The following COL1A2 variants were observed in gnomAD, a reference collection of about 807,000 sequenced individuals.
COL1A2 encodes collagen alpha-2(I) chain.
COL1A2 carries 49 observed loss-of-function variants against 174.3 expected under a neutral mutation model. The ratio of observed to expected loss-of-function variants is 0.28; its 90% CI spans 0.22 to 0.36. The LOEUF is 0.36. COL1A2 is among the 10% of genes least tolerant of loss of function. The pLI, the probability that COL1A2 is intolerant of heterozygous loss-of-function variation, is 1.00. For synonymous variants in COL1A2, 655 were observed against 606.6 expected, an observed-to-expected ratio of 1.08 and a Z score of -1.17; for missense variants, 1,438 against 1,822.7, an observed-to-expected ratio of 0.79 and a Z score of 3.84.
chr7:94,420,179 C>T lies in COL1A2; in HGVS notation c.2080-54C>T, dbSNP rs978774151. The T allele has an allele frequency of 2.5e-6, 4 of 1,610,176 alleles. No individual in the cohort carries two copies. In the East Asian group the frequency reaches 8.9e-5, roughly 36 times the overall value. ...CCACTGTTCTCTCTCCCTCCCAGTT[C>T]TTTGAGCATCTATGTCAGGCACATT... On this transcript the variant is annotated intron_variant, in intron 34 of 51. Transcript: ENST00000297268.
chr7:94,416,428 G>A lies in COL1A2; in HGVS notation c.1788G>A (p.Glu596=). The change falls in exon 31 of 52, where the codon GAG becomes GAA. Residue 596 remains glutamate, a synonymous_variant. Transcript: ENST00000297268. The part of the protein sequence containing the change: ...GPRGERGPPG[E]SGAAGPTGPI... The stretch of plus-strand genomic sequence containing the variant: ...AGGGGGAACGCGGTCCCCCAGGTGA[G>A]AGTGGTGCTGCCGGTCCTACTGGTC... The A allele has an allele frequency of 1.3e-6, 2 of 1,583,508 alleles. No homozygotes were observed. The highest frequency in any genetic ancestry group is 1.7e-6 in the Non-Finnish European group (2 of 1,164,002).
At chr7:94,411,890 G>C (rs1430616705) in intron 23 of COL1A2, among the ~76,000 whole-genome samples, 178 bp from the exon 24 acceptor site, 1 of 152,110 alleles carries the variant, frequency 6.6e-6, no homozygotes, top group Admixed American at 6.5e-5. Context: ...AAAAATAGAA[G>C]AAAAATTTCA....
chr7:94,420,203 T>C, intron 34 of COL1A2, 30 bp from the exon 35 acceptor site: 1 of 1,612,678 alleles, frequency 6.2e-7, no homozygotes, highest in Non-Finnish European at 8.5e-7. Flanking sequence ...GTCAGGCACA[T>C]TAACAGATTC....
chr7:94,420,988 C>T (rs1030820057), intron 37 of COL1A2, 21 bp from the exon 38 acceptor site: 3 of 1,613,182 alleles, frequency 1.9e-6, no homozygotes, highest in East Asian at 2.2e-5. Context: ...GATTTGACTC[C>T]ATCTTTTTGT....
At position 94,404,725 on chromosome 7, in the gene COL1A2, G is replaced by A; in HGVS notation, c.357G>A (p.Glu119=). The A allele has an allele frequency of 1.2e-6, 2 of 1,614,104 alleles. No homozygotes were observed. Among genetic ancestry groups the A allele is most frequent in the Non-Finnish European group, 1.7e-6 (2 of 1,180,014 alleles). Residue 119 remains glutamate, a synonymous_variant, in exon 8 of 52, where the codon GAG becomes GAA. Coordinates refer to ENST00000297268, the MANE Select transcript of COL1A2 (RefSeq NM_000089.4). ...GPQGFQGPAG[E]PGEPGQTGPA... ...AAGGTTTCCAAGGACCTGCTGGTGA[G>A]CCTGGTGAACCTGGTCAAACTGTGA...
At chr7:94,397,704 G>A (rs1193618728) in intron 1 of COL1A2, 44 bp from the exon 2 acceptor site, 1 of 1,089,556 alleles carries the variant, frequency 9.2e-7, no homozygotes, top group Admixed American at 1.8e-5. Context: ...TCCATGAAGT[G>A]ATACTAATAA....
At chr7:94,423,185 T>G in intron 40 of COL1A2, 67 bp downstream of exon 40, 8 of 1,569,830 alleles carry the variant, frequency 5.1e-6, no homozygotes, top group Non-Finnish European at 6.1e-6. Context: ...CCTACACAAA[T>G]CTTCAAGTGG....
rs1252761580 is a variant in COL1A2 at position 94,409,752 on chromosome 7, C to T, written c.966C>T (p.Gly322=). The T allele has an allele frequency of 4.3e-6, 7 of 1,614,126 alleles. No homozygotes were observed. In the South Asian group the frequency reaches 7.7e-5, roughly 18 times the overall value. ...AGLPGVAGAP[G]LPGPRGIPGP... ...TTCCCGGCGTTGCTGGGGCTCCCGG[C>T]CTCCCTGGACCCCGCGGTATTCCTG... Residue 322 remains glycine, a synonymous_variant, in exon 19 of 52, where the codon GGC becomes GGT. Coordinates refer to ENST00000297268, the MANE Select transcript of COL1A2 (RefSeq NM_000089.4).
Position 94,410,245 on chromosome 7 carries a change from G to A in COL1A2, c.1039G>A (p.Glu347Lys). The A allele has an allele frequency of 6.2e-7, 1 of 1,613,804 alleles. No individual in the cohort carries two copies. Among genetic ancestry groups the A allele is most frequent in the Non-Finnish European group, 8.5e-7 (1 of 1,180,018 alleles). ...GATGARGLVG[E>K]PGPAGSKGES... ...ACTGTTCTGTATTGAACCCTAGGGT[G>A]AGCCTGGTCCAGCTGGCTCCAAAGG... The change falls in exon 20 of 52, where the codon GAG becomes AAG. Residue 347 changes from glutamate (E) to lysine (K), a missense_variant. Coordinates refer to ENST00000297268, the MANE Select transcript of COL1A2 (RefSeq NM_000089.4).
chr7:94,410,187 AAG>A, intron 19 of COL1A2, 53 bp from the exon 20 acceptor site: 1 of 1,568,520 alleles, frequency 6.4e-7, no homozygotes, highest in Non-Finnish European at 8.8e-7. Flanking sequence ...ATTTGTCTGC[AAG>A]AGAGTTTCAA....
At position 94,413,742 on chromosome 7, in the gene COL1A2, A is replaced by C; in HGVS notation, c.1610A>C (p.Gln537Pro). Residue 537 changes from glutamine to proline, a missense_variant and splice_region_variant, in exon 27 of 52, where the codon CAG becomes CCG. By Grantham distance (76) the Gln-to-Pro change is moderately conservative. This residue lies in a region of COL1A2 where 867 missense variants were observed against 1,213.7 expected (regional missense o/e 0.71). Coordinates refer to ENST00000297268, the MANE Select transcript of COL1A2 (RefSeq NM_000089.4). ...NNGAQGPPGP[Q>P]GVQGGKGEQG... ...GGTGCTCAGGGACCTCCTGGACCACAGGTGAGTATTTCTCCCACTCTTGTG... is the reference window on the plus strand; with the variant it reads ...GGTGCTCAGGGACCTCCTGGACCACCGGTGAGTATTTCTCCCACTCTTGTG... 6.2e-7 allele frequency: 1 copy of C among 1,614,202 alleles called. No homozygotes were observed. Among genetic ancestry groups the C allele is most frequent in the African/African-American group, 1.3e-5 (1 of 75,056 alleles).
chr7:94,406,167 T>C (rs1021053883), intron 11 of COL1A2, 83 bp from the exon 12 acceptor site: 2 of 1,418,552 alleles, frequency 1.4e-6, no homozygotes, highest in African/African-American at 2.8e-5. Context: ...CAAGAGAGAT[T>C]AATGGCAAAG....
chr7:94,430,219 G>T (rs1476033989), intron 51 of COL1A2, 28 bp from the exon 52 acceptor site: 9 of 1,604,096 alleles, frequency 5.6e-6, no homozygotes, highest in Non-Finnish European at 7.7e-6. Context: ...GTGATGCTTT[G>T]TGTATCTATT....
In COL1A2 at chr7:94,404,766, T is replaced by A; in HGVS notation, c.378+20T>A. 6.2e-7 allele frequency: 1 copy of A among 1,614,188 alleles called. No homozygotes were observed. On this transcript the variant is annotated intron_variant, in intron 8 of 51. Transcript: ENST00000297268. ...CAAACTGTGAGTACATTTTTCCACCTTTGTGATAAGTTTTTTTCCAGGAAG... is the reference window on the plus strand; with the variant it reads ...CAAACTGTGAGTACATTTTTCCACCATTGTGATAAGTTTTTTTCCAGGAAG...
rs1792043043 is a variant in COL1A2 at position 94,416,435 on chromosome 7, G to A, written c.1795G>A (p.Ala599Thr). Residue 599 changes from alanine to threonine, a missense_variant, in exon 31 of 52, where the codon GCT becomes ACT. Ala to Thr is a moderately conservative substitution (Grantham distance 58). Around this residue, in one of 3 missense-constraint regions of COL1A2, gnomAD observed 867 missense variants for 1,213.7 expected, o/e 0.71. Coordinates refer to ENST00000297268, the MANE Select transcript of COL1A2 (RefSeq NM_000089.4). ...ACGCGGTCCCCCAGGTGAGAGTGGTGCTGCCGGTCCTACTGGTCCTATTGG... is the reference window on the plus strand; with the variant it reads ...ACGCGGTCCCCCAGGTGAGAGTGGTACTGCCGGTCCTACTGGTCCTATTGG... ...GERGPPGESG[A>T]AGPTGPIGSR... The A allele has an allele frequency of 1.9e-6, 3 of 1,585,652 alleles. No homozygotes were observed. The South Asian group carries it at 3.5e-5, about 18-fold the overall frequency.
intron 33 of COL1A2, among the ~76,000 whole-genome samples, chr7:94,419,007 T>C (rs1294564726): frequency 6.7e-6 from 1 of 150,064 alleles, no homozygotes; most frequent in African/African-American, 2.5e-5. Context: ...GTTAATGCCA[T>C]GAAGATGCCA....
rs779198513 is a variant in COL1A2, at chr7:94,414,285, A to T, written c.1719+10A>T. The T allele has an allele frequency of 1.9e-6, 3 of 1,613,612 alleles. No individual in the cohort carries two copies. In the East Asian group the frequency reaches 6.7e-5, roughly 36 times the overall value. ...CAAACCAGGAGAAAGGGTGAGTAAA[A>T]CAAGTAATAGTAAGTAGTAACTACT... On this transcript the variant is annotated intron_variant, in intron 29 of 51. Coordinates refer to ENST00000297268, the MANE Select transcript of COL1A2 (RefSeq NM_000089.4).
rs373778124 is a variant in COL1A2 at position 94,429,476 on chromosome 7, A to AG, written c.3954+51dup. ...GGAATAGCTTTGGGAAGTGGGATGG[A>AG]GGGGGTTCTAACTTAGACTGCCCCC... On this transcript the variant is annotated intron_variant, in intron 51 of 51. Transcript: ENST00000297268. The AG allele has an allele frequency of 5.5e-5, 88 of 1,609,434 alleles. No individual in the cohort carries two copies. In the Admixed American group the frequency reaches 1.4e-3, roughly 26 times the overall value.
chr7:94,429,282 C>A lies in COL1A2; in HGVS notation c.3806C>A (p.Thr1269Asn). The A allele has an allele frequency of 6.2e-7, 1 of 1,614,066 alleles. No individual in the cohort carries two copies. Residue 1269 changes from threonine (T) to asparagine (N), a missense_variant, in exon 51 of 52, where the codon ACC (threonine) becomes AAC (asparagine). This residue lies in a region of COL1A2 where 290 missense variants were observed against 298.1 expected (regional missense o/e 0.97). Coordinates refer to ENST00000297268, the MANE Select transcript of COL1A2 (RefSeq NM_000089.4). ...LLANYASQNI[T>N]YHCKNSIAYM... The stretch of plus-strand genomic sequence containing the variant: ...GCCAACTATGCCTCTCAGAACATCA[C>A]CTACCACTGCAAGAACAGCATTGCA...
Sources: gnomAD v4.1 joint callset for allele counts (sites outside exome capture counted in the v4.1 genomes callset) on GRCh38, gnomAD v4.1.1 for gene constraint, gnomAD v4.1.1 regional missense constraint, MANE v1.5 for transcripts, NCBI Gene and HGNC (gene_info 2026-07-23, HGNC 2026-07-21) for gene names.